Variants in NIBAN2 observed in about 807,000 individuals in gnomAD.
The protein encoded by NIBAN2 is protein Niban 2.
NIBAN2 carries 36 observed loss-of-function variants against 81.8 expected under a neutral mutation model. The ratio of observed to expected loss-of-function variants is 0.44; its 90% CI spans 0.34 to 0.58. The LOEUF is 0.58. NIBAN2 is among the 20% of genes least tolerant of loss of function. NIBAN2 has a pLI of 0.02. For synonymous variants in NIBAN2, 445 were observed against 441.6 expected, an observed-to-expected ratio of 1.01 and a Z score of -0.10; for missense variants, 897 against 1,014.1, an observed-to-expected ratio of 0.88 and a Z score of 1.57.
chr9:127,527,828 G>A (rs567416401), intron 2 of NIBAN2, among the ~76,000 whole-genome samples: 1 of 152,328 alleles, frequency 6.6e-6, no homozygotes, highest in East Asian at 1.9e-4. Flanking sequence ...TCAGGGCAAT[G>A]ATAACTTGAA....
In NIBAN2 at chr9:127,568,677, G is replaced by A. The variant is rs1837900414; in HGVS notation, c.55+143C>T. On this transcript the variant is annotated intron_variant, in intron 1 of 13. Coordinates refer to ENST00000373312, the MANE Select transcript of NIBAN2 (RefSeq NM_022833.4). ...CTCAGAGGGAACGAGCTCGGACGCG[G>A]GGCACGCTCCCTGGCAGCTCCCACC... 5.9e-6 allele frequency: 4 copies of A among 680,268 alleles called. No homozygotes were observed. In the East Asian group the frequency reaches 1.3e-4, roughly 22 times the overall value. 42.1% of individuals were successfully genotyped at this position (680,268 alleles called of 1,614,324 possible).
intron 1 of NIBAN2, among the ~76,000 whole-genome samples, chr9:127,561,789 C>T (rs1371043528): frequency 6.6e-6 from 1 of 152,260 alleles, no homozygotes; most frequent in African/African-American, 2.4e-5. Flanking sequence ...TTGTACCCTT[C>T]CATGACTCAG....
At chr9:127,570,889 G>A (rs1171200722), upstream of NIBAN2, among the ~76,000 whole-genome samples, 1 of 152,242 alleles carries the variant, frequency 6.6e-6, no homozygotes, top group African/African-American at 2.4e-5. Context: ...GAGGGAAAGT[G>A]ACTTGCTAAG....
Position 127,508,549 on chromosome 9 carries a change from T to C in NIBAN2, c.1318-11A>G, listed in dbSNP as rs748575411. 8 of 1,609,094 alleles carry C rather than the reference T, an allele frequency of 5.0e-6. No individual in the cohort carries two copies. In the African/African-American group the frequency reaches 8.0e-5, roughly 16 times the overall value. ...GGCATTGTCCATTTGCTGCAGGGCATACCGCGGACATGTGAAGCCCCCAGG... is the reference window on the plus strand; with the variant it reads ...GGCATTGTCCATTTGCTGCAGGGCACACCGCGGACATGTGAAGCCCCCAGG... On this transcript the variant is annotated splice_polypyrimidine_tract_variant and intron_variant, in intron 10 of 13. Transcript: ENST00000373312. This position sits in a 1 kb window ranked among gnomAD's most constrained non-coding sequence, Gnocchi z 6.4.
intron 8 of NIBAN2, among the ~76,000 whole-genome samples, chr9:127,515,694 G>A (rs1185367790): frequency 6.6e-6 from 1 of 151,350 alleles, no homozygotes; most frequent in Non-Finnish European, 1.5e-5. Context: ...AAAATTAGCT[G>A]GGCATGGTAG....
intron 1 of NIBAN2, among the ~76,000 whole-genome samples, chr9:127,538,224 G>A (rs893442993): frequency 1.8e-4 from 27 of 152,182 alleles, no homozygotes; most frequent in African/African-American, 4.8e-4. Flanking sequence ...GCATCCTATC[G>A]GGTTATTGAG....
At chr9:127,529,739 ATT>A (rs1837143927) in intron 2 of NIBAN2, among the ~76,000 whole-genome samples, 1 of 152,118 alleles carries the variant, frequency 6.6e-6, no homozygotes, top group Admixed American at 6.5e-5. Flanking sequence ...GTATTCTATT[ATT>A]GTTTCTAATA....
At position 127,550,860 on chromosome 9, in the gene NIBAN2, G is replaced by A. The variant is rs111253107; in HGVS notation, c.55+17960C>T. Among the ~76,000 whole-genome samples the A allele has an allele frequency of 1.8e-3, 272 of 152,276 alleles. 3 individuals are homozygous for A. Among genetic ancestry groups the A allele is most frequent in the African/African-American group, 6.1e-3 (255 of 41,552 alleles). ...GGTCACCTAAGCTCAGATCCTCCGC[G>A]TCCTCTTCCTGCTTGGATCCTGTCA... On this transcript the variant is annotated intron_variant, in intron 1 of 13. Transcript: ENST00000373312.
intron 1 of NIBAN2, among the ~76,000 whole-genome samples, chr9:127,575,862 C>T (rs990520695): frequency 1.3e-5 from 2 of 151,966 alleles, no homozygotes; most frequent in Non-Finnish European, 2.9e-5. Context: ...CGCATCTTGC[C>T]CCACCAAGCA....
chr9:127,511,504 AT>A (rs949719364), intron 8 of NIBAN2, among the ~76,000 whole-genome samples: 1 of 145,274 alleles, frequency 6.9e-6, no homozygotes, highest in African/African-American at 2.4e-5. Context: ...GGCCAATATT[AT>A]TTAAAAAAAA....
Position 127,535,982 on chromosome 9 carries a change from T to C in NIBAN2, c.56-4204A>G, listed in dbSNP as rs528110224. Among the ~76,000 whole-genome samples, 7 of 152,156 alleles carry C rather than the reference T, an allele frequency of 4.6e-5. No individual in the cohort carries two copies. The East Asian group carries it at 1.4e-3, about 30-fold the overall frequency. On this transcript the variant is annotated intron_variant, in intron 1 of 13. Coordinates refer to ENST00000373312, the MANE Select transcript of NIBAN2 (RefSeq NM_022833.4). ...CAGCATTAGCAAGGGGTTAAGGACC[T>C]TAAGGACGGAGCCCAGGCAGCACCG... is the stretch of plus-strand genomic sequence containing the variant.
rs541156221 is a variant in NIBAN2, at chr9:127,505,887, C to G, written c.*958G>C. 6.6e-6 allele frequency: 1 copy of G among 152,458 alleles called. No individual in the cohort carries two copies. Among genetic ancestry groups the G allele is most frequent in the East Asian group, 1.9e-4 (1 of 5,176 alleles). The allele number at this position is 152,458 out of a possible 1,614,324, so 9.4% of individuals were successfully genotyped here. A position where few individuals can be genotyped will look rare whatever the true frequency, so the allele number is the denominator to read the frequency against. On this transcript the variant is annotated 3_prime_UTR_variant, in exon 14 of 14. Transcript: ENST00000373312. ...CCCCAGACCCTCAGGGAGGGCCCAC[C>G]CAACCTGTACCCCTCAGGAGCCCCG...
rs118188329 is a variant in NIBAN2, at chr9:127,513,864, G to A, written c.973+2993C>T. 2.2e-3 allele frequency among the ~76,000 whole-genome samples: 333 copies of A among 152,208 alleles called. 3 individuals are homozygous for A. The East Asian group carries it at 0.042, about 19-fold the overall frequency. ...GCCCAAGATCCAAGAACCCTCTCTC[G>A]GGGTCTGGATCGGGACCCCTTTCTG... On this transcript the variant is annotated intron_variant, in intron 8 of 13. Transcript: ENST00000373312.
intron 1 of NIBAN2, among the ~76,000 whole-genome samples, chr9:127,574,589 T>C (rs1045121155): frequency 6.6e-6 from 1 of 151,522 alleles, no homozygotes; most frequent in African/African-American, 2.4e-5. Flanking sequence ...TCCCCATGAG[T>C]CCCTCTCCCT....
chr9:127,527,479 C>T (rs550254974), intron 2 of NIBAN2, among the ~76,000 whole-genome samples, 157 bp from the exon 3 acceptor site: 1 of 152,184 alleles, frequency 6.6e-6, no homozygotes, highest in Non-Finnish European at 1.5e-5. Flanking sequence ...CCTCTGAGGC[C>T]GGGCTGCATC....
rs1463033951 is a variant in NIBAN2 at position 127,559,417 on chromosome 9, G to A, written c.55+9403C>T. ...AGTGAGGAGGAGGCACAGAGAAAAG[G>A]AAGGGCTTGTCAGAGGCCTCCAGGC... is the stretch of plus-strand genomic sequence containing the variant. On this transcript the variant is annotated intron_variant, in intron 1 of 13. Coordinates refer to ENST00000373312, the MANE Select transcript of NIBAN2 (RefSeq NM_022833.4). This position sits in a 1 kb window ranked among gnomAD's most constrained non-coding sequence, Gnocchi z 4.0. Among the ~76,000 whole-genome samples the A allele has an allele frequency of 6.6e-6, 1 of 152,196 alleles. No individual in the cohort carries two copies. The highest frequency in any genetic ancestry group is 2.4e-5 in the African/African-American group (1 of 41,434).
Position 127,536,456 on chromosome 9 carries a change from G to A in NIBAN2, c.56-4678C>T, listed in dbSNP as rs1837280294. ...ACCCAGTACCCCACTTTTCCTTCTT[G>A]CTCCCTGCAGTGGCTCTCCCCCGGC... On this transcript the variant is annotated intron_variant, in intron 1 of 13. Coordinates refer to ENST00000373312, the MANE Select transcript of NIBAN2 (RefSeq NM_022833.4). This position sits in a 1 kb window ranked among gnomAD's most constrained non-coding sequence, Gnocchi z 4.0. 6.6e-6 allele frequency among the ~76,000 whole-genome samples: 1 copy of A among 152,192 alleles called. No homozygotes were observed. Among genetic ancestry groups the A allele is most frequent in the Non-Finnish European group, 1.5e-5 (1 of 68,018 alleles).
chr9:127,506,781 T>G lies in NIBAN2; in HGVS notation c.*64A>C. ...CAGACCAGGGTGCCCTCCCCAGAGC[T>G]GAGCCTGCCTGGGTCCGGAAGGGAA... is the stretch of plus-strand genomic sequence containing the variant. On this transcript the variant is annotated 3_prime_UTR_variant, in exon 14 of 14. Transcript: ENST00000373312. 1.9e-5 allele frequency: 28 copies of G among 1,458,672 alleles called. No homozygotes were observed. The highest frequency in any genetic ancestry group is 2.6e-5 in the Non-Finnish European group (28 of 1,077,914). 90.4% of individuals were successfully genotyped at this position (1,458,672 alleles called of 1,614,324 possible).
intron 1 of NIBAN2, among the ~76,000 whole-genome samples, chr9:127,557,296 A>T (rs569527098): frequency 1.3e-5 from 2 of 152,292 alleles, no homozygotes; most frequent in African/African-American, 4.8e-5. Flanking sequence ...ACACATGGTT[A>T]GTAGCAAGGT....
Sources: allele counts gnomAD v4.1 joint callset (sites outside exome capture counted in the v4.1 genomes callset), GRCh38; gene constraint gnomAD v4.1.1; non-coding constraint Gnocchi (gnomAD v3.1); transcripts MANE v1.5; gene names NCBI Gene and HGNC (gene_info 2026-07-23, HGNC 2026-07-21).